The following FAT3 variants were observed in gnomAD, a reference collection of about 807,000 sequenced individuals.
FAT3 encodes FAT atypical cadherin 3, also known as protocadherin Fat 3.
FAT3 carries 95 observed loss-of-function variants against 310.2 expected under a neutral mutation model. That is an observed-to-expected ratio of 0.31 (90% CI 0.26 to 0.36). The LOEUF is 0.36. Among genes scored for constraint, FAT3 ranks in the 10% least tolerant of loss-of-function variants. FAT3 has a pLI of 1.00. For missense variants in FAT3, 5,408 were observed against 5,715.6 expected (o/e 0.95, Z 1.74); for synonymous variants, 2,314 against 2,192.9 (o/e 1.06, Z -1.54).
intron 2 of FAT3, among the ~76,000 whole-genome samples, chr11:92,452,637 C>T (rs2135072061): frequency 6.6e-6 from 1 of 152,170 alleles, no homozygotes; most frequent in East Asian, 1.9e-4. Flanking sequence ...TACCGTGATT[C>T]AGTTAATGAT....
chr11:92,322,107 A>G (rs1947634509), intron 1 of FAT3, among the ~76,000 whole-genome samples: 1 of 152,188 alleles, frequency 6.6e-6, no homozygotes. Flanking sequence ...ATAATGAAAT[A>G]CCACACCAAT....
At chr11:92,650,492 T>C (rs1488104371) in intron 3 of FAT3, among the ~76,000 whole-genome samples, 4 of 152,320 alleles carry the variant, frequency 2.6e-5, no homozygotes, top group Admixed American at 2.6e-4. Context: ...TAGTGGTTCC[T>C]TAGCACAGAG....
intron 2 of FAT3, among the ~76,000 whole-genome samples, chr11:92,441,227 C>G (rs1404632089): frequency 1.3e-5 from 2 of 152,162 alleles, no homozygotes; most frequent in African/African-American, 2.4e-5. Flanking sequence ...GTTTCTCCAC[C>G]TCATCTTAGA....
chr11:92,511,872 A>G (rs1220614953), intron 2 of FAT3, among the ~76,000 whole-genome samples: 1 of 152,234 alleles, frequency 6.6e-6, no homozygotes, highest in Non-Finnish European at 1.5e-5. Flanking sequence ...AATTCAAAAT[A>G]ATACATTTCA....
At chr11:92,741,476 CAT>C (rs745878434) in intron 4 of FAT3, among the ~76,000 whole-genome samples, 1 of 152,196 alleles carries the variant, frequency 6.6e-6, no homozygotes, top group Admixed American at 6.5e-5. Context: ...TGGGACTAAA[CAT>C]GTGTGTCTCA....
intron 1 of FAT3, among the ~76,000 whole-genome samples, chr11:92,226,128 G>T (rs374919799): frequency 1.3e-5 from 2 of 152,104 alleles, no homozygotes; most frequent in Non-Finnish European, 2.9e-5. Context: ...GGGCGCTGGC[G>T]GGGAGGCAGT....
intron 2 of FAT3, among the ~76,000 whole-genome samples, chr11:92,461,978 C>T (rs867779174): frequency 6.6e-6 from 1 of 152,080 alleles, no homozygotes; most frequent in South Asian, 2.1e-4. Flanking sequence ...CTTTGGAGAT[C>T]AGGAAAGCTC....
chr11:92,413,237 T>A (rs1264371216), intron 2 of FAT3, among the ~76,000 whole-genome samples: 1 of 152,172 alleles, frequency 6.6e-6, no homozygotes, highest in Non-Finnish European at 1.5e-5. Context: ...TGAAAACATG[T>A]TTGTTGAAGC....
chr11:92,353,093 G>C lies in FAT3; in HGVS notation c.981G>C (p.Lys327Asn), dbSNP rs998798093. ...EGKWLNEYKI[K>N]ERKQIDWESF... Reference sequence around the variant, plus strand: ...AGTGGTTGAATGAGTACAAGATTAAGGAGAGGAAGCAGATTGACTGGGAGA... The same window carrying C: ...AGTGGTTGAATGAGTACAAGATTAACGAGAGGAAGCAGATTGACTGGGAGA... The change falls in exon 2 of 28, where the codon AAG (lysine) becomes AAC (asparagine). Residue 327 changes from lysine (K) to asparagine (N), a missense_variant. Lys to Asn is a moderately conservative substitution (Grantham distance 94, BLOSUM62 0). This residue lies in a region of FAT3 where 4,588 missense variants were observed against 4,809.8 expected (regional missense o/e 0.95). Transcript: ENST00000525166. 3.1e-6 allele frequency: 5 copies of C among 1,613,554 alleles called. No homozygotes were observed. In the African/African-American group the frequency reaches 6.7e-5, roughly 22 times the overall value.
At chr11:92,868,902 C>T (rs1949315063) in intron 22 of FAT3, among the ~76,000 whole-genome samples, 1 of 152,204 alleles carries the variant, frequency 6.6e-6, no homozygotes, top group Non-Finnish European at 1.5e-5. Context: ...TAAATCTCTT[C>T]ATTTAACCAT....
intron 3 of FAT3, among the ~76,000 whole-genome samples, chr11:92,538,426 G>A (rs1249689985): frequency 2.0e-5 from 3 of 152,176 alleles, no homozygotes; most frequent in Non-Finnish European, 4.4e-5. Context: ...TATACTAACT[G>A]AGATGCTGAG....
chr11:92,322,288 T>C (rs150937226), intron 1 of FAT3, among the ~76,000 whole-genome samples: 1 of 152,286 alleles, frequency 6.6e-6, no homozygotes, highest in African/African-American at 2.4e-5. Context: ...AAAATATACA[T>C]ACCTTAATTT....
At chr11:92,245,746 T>A (rs539284754) in intron 1 of FAT3, among the ~76,000 whole-genome samples, 2 of 152,164 alleles carry the variant, frequency 1.3e-5, no homozygotes, top group South Asian at 4.1e-4. Flanking sequence ...AATAAAACTT[T>A]ATTTGCAAAA....
intron 2 of FAT3, among the ~76,000 whole-genome samples, chr11:92,437,927 A>G (rs986369008): frequency 9.7e-5 from 8 of 82,096 alleles, no homozygotes; most frequent in African/African-American, 2.9e-4. Flanking sequence ...AGACAGAGAC[A>G]GTTAGACCTG....
At position 92,354,963 on chromosome 11, in the gene FAT3, G is replaced by T; in HGVS notation, c.2851G>T (p.Val951Phe). The T allele has an allele frequency of 1.2e-6, 2 of 1,613,834 alleles. No homozygotes were observed. Among genetic ancestry groups the T allele is most frequent in the Non-Finnish European group, 1.7e-6 (2 of 1,179,852 alleles). The change falls in exon 2 of 28, where the codon GTT (valine) becomes TTT (phenylalanine). Residue 951 changes from valine to phenylalanine, a missense_variant. By Grantham distance (50) the Val-to-Phe change is conservative. Around this residue, in one of 5 missense-constraint regions of FAT3, gnomAD observed 4,588 missense variants for 4,809.8 expected, o/e 0.95. Transcript: ENST00000525166. ...YSVKVLEDLP[V>F]GTVIAWLETH... ...TGTGAAGGTTCTTGAAGATCTCCCT[G>T]TTGGCACTGTCATTGCTTGGCTTGA...
At chr11:92,665,294 A>G (rs540690985) in intron 3 of FAT3, among the ~76,000 whole-genome samples, 1 of 152,298 alleles carries the variant, frequency 6.6e-6, no homozygotes, top group Non-Finnish European at 1.5e-5. Context: ...ACGGTTGACC[A>G]GATGCCTCTC....
chr11:92,502,804 C>T lies in FAT3; in HGVS notation c.3293-21830C>T, dbSNP rs566883836. On this transcript the variant is annotated intron_variant, in intron 2 of 27. Transcript: ENST00000525166. Reference sequence around the variant, plus strand: ...CCATAGATGGGCATTTGTATTTGATCATCATGATGTACTTATTGTGCTGAG... The same window carrying T: ...CCATAGATGGGCATTTGTATTTGATTATCATGATGTACTTATTGTGCTGAG... Among the ~76,000 whole-genome samples the T allele has an allele frequency of 2.8e-4, 42 of 152,138 alleles. No homozygotes were observed. The South Asian group carries it at 8.1e-3, about 29-fold the overall frequency.
At chr11:92,431,852 G>T (rs1209035113) in intron 2 of FAT3, among the ~76,000 whole-genome samples, 1 of 152,032 alleles carries the variant, frequency 6.6e-6, no homozygotes, top group African/African-American at 2.4e-5. Context: ...TATTCCATTG[G>T]TCTACATCTC....
Position 92,857,231 on chromosome 11 carries a change from T to C in FAT3, c.11383T>C (p.Ser3795Pro), listed in dbSNP as rs1949003383. Residue 3795 changes from serine to proline, a missense_variant, in exon 20 of 28, where the codon TCC (serine) becomes CCC (proline). Physicochemically the swap from Ser to Pro is moderately conservative, Grantham distance 74. Around this residue, in one of 5 missense-constraint regions of FAT3, gnomAD observed 4,588 missense variants for 4,809.8 expected, o/e 0.95. Transcript: ENST00000525166. Reference sequence around the variant, plus strand: ...TGTCACAGGAGGACTGTGTCCGGGGTCCAACGATCCTTGTGTGGAGAAGCC... The same window carrying C: ...TGTCACAGGAGGACTGTGTCCGGGGCCCAACGATCCTTGTGTGGAGAAGCC... ...CTCNGGLCPG[S>P]NDPCVEKPCP... 6.2e-7 allele frequency: 1 copy of C among 1,613,770 alleles called. No individual in the cohort carries two copies. The highest frequency in any genetic ancestry group is 8.5e-7 in the Non-Finnish European group (1 of 1,179,902).
Sources: gnomAD v4.1 joint callset for allele counts (sites outside exome capture counted in the v4.1 genomes callset) on GRCh38, gnomAD v4.1.1 for gene constraint, gnomAD v4.1.1 regional missense constraint, MANE v1.5 for transcripts, NCBI Gene and HGNC (gene_info 2026-07-23, HGNC 2026-07-21) for gene names.